The following LRP1B variants were observed in gnomAD, a reference collection of about 807,000 sequenced individuals.
The protein encoded by LRP1B is LDL receptor related protein 1B.
LRP1B carries 217 observed loss-of-function variants against 556.6 expected under a neutral mutation model. The ratio of observed to expected loss-of-function variants is 0.39; its 90% CI spans 0.35 to 0.44. LRP1B has a LOEUF of 0.44. LRP1B is among the 20% of genes least tolerant of loss of function. The probability of loss-of-function intolerance (pLI) is 1.00; values close to 1 mark genes in which losing one functional copy is unlikely to be tolerated. For synonymous variants in LRP1B, 2,047 were observed against 1,865.8 expected, an observed-to-expected ratio of 1.10 and a Z score of -2.50; for missense variants, 5,053 against 5,620.8, an observed-to-expected ratio of 0.90 and a Z score of 3.23.
At chr2:141,970,169 T>G (rs1159873249) in intron 1 of LRP1B, among the ~76,000 whole-genome samples, 1 of 151,636 alleles carries the variant, frequency 6.6e-6, no homozygotes, top group Non-Finnish European at 1.5e-5. Flanking sequence ...CTTACATATT[T>G]TGCATATTAA....
At chr2:141,201,426 A>C (rs1682011555) in intron 6 of LRP1B, among the ~76,000 whole-genome samples, 1 of 152,048 alleles carries the variant, frequency 6.6e-6, no homozygotes, top group African/African-American at 2.4e-5. Context: ...CAGTCATGGA[A>C]GTTTATGGCT....
At chr2:141,991,670 G>A (rs1036087411) in intron 1 of LRP1B, among the ~76,000 whole-genome samples, 2 of 152,028 alleles carry the variant, frequency 1.3e-5, no homozygotes, top group Non-Finnish European at 2.9e-5. Flanking sequence ...AGAGGAAACA[G>A]ACTTAGTTTT....
At chr2:141,135,093 G>C (rs1701457814) in intron 7 of LRP1B, among the ~76,000 whole-genome samples, 1 of 151,850 alleles carries the variant, frequency 6.6e-6, no homozygotes. Context: ...GTGTGTGCCT[G>C]TGTGAGTGTG....
chr2:140,933,711 A>T (rs936518783), intron 20 of LRP1B, among the ~76,000 whole-genome samples: 50 of 152,092 alleles, frequency 3.3e-4, no homozygotes, highest in African/African-American at 1.2e-3. Context: ...TGAACCCAAT[A>T]CCAATTTTCT....
intron 1 of LRP1B, among the ~76,000 whole-genome samples, chr2:141,997,779 T>G (rs1241459128): frequency 1.3e-5 from 2 of 152,006 alleles, no homozygotes; most frequent in East Asian, 3.9e-4. Flanking sequence ...TGTCTCTCCT[T>G]TCTCTTGCCA....
chr2:141,571,712 C>T (rs7579093), intron 2 of LRP1B, among the ~76,000 whole-genome samples: 12,003 of 151,038 alleles, frequency 0.079, 557 homozygotes, highest in South Asian at 0.14. Context: ...GCCACTAGAA[C>T]AACCAGTTTA....
At chr2:141,729,449 A>G (rs1309127888) in intron 2 of LRP1B, among the ~76,000 whole-genome samples, 2 of 152,180 alleles carry the variant, frequency 1.3e-5, no homozygotes, top group South Asian at 2.1e-4. Context: ...AGGAGAGCCA[A>G]TTTAAGTTCT....
intron 31 of LRP1B, among the ~76,000 whole-genome samples, chr2:140,815,417 C>T (rs1421300455): frequency 2.0e-5 from 3 of 152,144 alleles, no homozygotes; most frequent in African/African-American, 7.2e-5. Context: ...AGCAATCCTC[C>T]CACCTCAACC....
intron 41 of LRP1B, among the ~76,000 whole-genome samples, chr2:140,690,681 A>T (rs1686205558): frequency 1.3e-5 from 2 of 151,864 alleles, no homozygotes; most frequent in Admixed American, 6.6e-5. Context: ...ATCATGACTG[A>T]CTCCAGGTTC....
intron 2 of LRP1B, among the ~76,000 whole-genome samples, chr2:141,501,204 T>C (rs1683697667): frequency 6.6e-6 from 1 of 152,168 alleles, no homozygotes; most frequent in South Asian, 2.1e-4. Context: ...TGATGAATTA[T>C]GTAAATTTCA....
chr2:141,801,451 G>A (rs1032489714), intron 2 of LRP1B, among the ~76,000 whole-genome samples: 5 of 152,010 alleles, frequency 3.3e-5, no homozygotes, highest in Non-Finnish European at 7.4e-5. Flanking sequence ...ACTGCACCTG[G>A]CCTGTTTTTT....
intron 2 of LRP1B, among the ~76,000 whole-genome samples, chr2:141,596,799 C>T (rs144120793): frequency 6.4e-4 from 97 of 151,954 alleles, no homozygotes; most frequent in African/African-American, 1.9e-3. Flanking sequence ...ATGTGATGTT[C>T]ATAATAAGGT....
intron 72 of LRP1B, 102 bp downstream of exon 72, chr2:140,364,559 G>T: frequency 7.3e-7 from 1 of 1,367,716 alleles, no homozygotes; most frequent in East Asian, 2.4e-5. Context: ...CCTAACCCCA[G>T]GATGGTATAA....
At chr2:140,379,033 G>GA (rs1375352125) in intron 67 of LRP1B, among the ~76,000 whole-genome samples, 2 of 152,106 alleles carry the variant, frequency 1.3e-5, no homozygotes, top group Non-Finnish European at 2.9e-5. Context: ...GTTTCATCTG[G>GA]AAAATGAAGT....
intron 6 of LRP1B, among the ~76,000 whole-genome samples, chr2:141,219,040 C>T (rs567490155): frequency 6.6e-6 from 1 of 152,186 alleles, no homozygotes; most frequent in Non-Finnish European, 1.5e-5. Flanking sequence ...TGCTGCCCTG[C>T]CTGGGAAACC....
chr2:141,486,074 C>G (rs1683110479), intron 2 of LRP1B, among the ~76,000 whole-genome samples: 1 of 152,132 alleles, frequency 6.6e-6, no homozygotes, highest in Non-Finnish European at 1.5e-5. Flanking sequence ...TGTCACCTCA[C>G]CTTTCAGCAA....
At chr2:140,507,247 CTAA>C (rs1384081126) in intron 52 of LRP1B, among the ~76,000 whole-genome samples, 1 of 152,070 alleles carries the variant, frequency 6.6e-6, no homozygotes, top group African/African-American at 2.4e-5. Flanking sequence ...AATATCTCAG[CTAA>C]TAATATTCTA....
At chr2:141,357,170 C>T (rs1165507403) in intron 3 of LRP1B, among the ~76,000 whole-genome samples, 1 of 152,002 alleles carries the variant, frequency 6.6e-6, no homozygotes. Flanking sequence ...ATTCTCTTGC[C>T]TCAGCCTCCC....
In LRP1B at chr2:141,326,423, G is replaced by A. The variant is rs183514122; in HGVS notation, c.344-71782C>T. Among the ~76,000 whole-genome samples, 45 of 152,228 alleles carry A rather than the reference G, an allele frequency of 3.0e-4. No homozygotes were observed. In the East Asian group the frequency reaches 7.9e-3, roughly 27 times the overall value. ...TATTATATTATAAAGCAGAACTGTGGAAAAGCATGGCCACGGAAAGAAAGT... is the reference window on the plus strand; with the variant it reads ...TATTATATTATAAAGCAGAACTGTGAAAAAGCATGGCCACGGAAAGAAAGT... On this transcript the variant is annotated intron_variant, in intron 3 of 90. Coordinates refer to ENST00000389484, the MANE Select transcript of LRP1B (RefSeq NM_018557.3).
Sources: gnomAD v4.1 joint callset for allele counts (sites outside exome capture counted in the v4.1 genomes callset) on GRCh38, gnomAD v4.1.1 for gene constraint, MANE v1.5 for transcripts, NCBI Gene and HGNC (gene_info 2026-07-23, HGNC 2026-07-21) for gene names.